Variants in ZFP62 observed in about 807,000 individuals in gnomAD.
ZFP62 encodes ZFP62 zinc finger protein.
Under a neutral mutation model 56.4 loss-of-function variants are expected in ZFP62, and 44 were observed. That is an observed-to-expected ratio of 0.78 (90% CI 0.61 to 1.00). The LOEUF (loss-of-function observed/expected upper bound fraction) is 1.00. Ranked by LOEUF, ZFP62 falls within the 50% of genes least tolerant of loss-of-function variation. The pLI, the probability that ZFP62 is intolerant of heterozygous loss-of-function variation, is 0.00. For missense variants in ZFP62, 1,030 were observed against 1,085.7 expected (o/e 0.95, Z 0.72); for synonymous variants, 421 against 388.9 (o/e 1.08, Z -0.97).
At chr5:180,857,791 C>G (rs1774067717) in intron 1 of ZFP62, among the ~76,000 whole-genome samples, 1 of 118,984 alleles carries the variant, frequency 8.4e-6, no homozygotes, top group Admixed American at 1.0e-4. Flanking sequence ...ACCACCGCAC[C>G]CAGACCTTTT....
In ZFP62 at chr5:180,848,624, G is replaced by A; in HGVS notation, c.*168C>T. 4 of 1,365,612 alleles carry A rather than the reference G, an allele frequency of 2.9e-6. No homozygotes were observed. Among genetic ancestry groups the A allele is most frequent in the African/African-American group, 1.4e-5 (1 of 69,134 alleles). 84.6% of individuals were successfully genotyped at this position (1,365,612 alleles called of 1,614,324 possible). On this transcript the variant is annotated 3_prime_UTR_variant, in exon 2 of 2. Coordinates refer to ENST00000502412, the MANE Select transcript of ZFP62 (RefSeq NM_001172638.2). ...AGAGCTGAACTACCTTGACACTGGA[G>A]CCTTTCTTGCTTGCTATGATTGAAA... is the stretch of plus-strand genomic sequence containing the variant.
At chr5:180,827,336 T>TCCA in the ZFP62 span, among the ~76,000 whole-genome samples, 1 of 152,238 alleles carries the variant, frequency 6.6e-6, no homozygotes, top group Non-Finnish European at 1.5e-5. Flanking sequence ...CGTAGGAGAC[T>TCCA]CCATTCTGTT....
chr5:180,829,481 G>A, the ZFP62 span, among the ~76,000 whole-genome samples: 3 of 152,174 alleles, frequency 2.0e-5, no homozygotes, highest in African/African-American at 4.8e-5. Context: ...TGTCACCCCC[G>A]GTGGCCCAGC....
chr5:180,851,537 AAAAAAC>A (rs780330594), intron 1 of ZFP62, 44 bp from the exon 2 acceptor site: 362 of 1,472,674 alleles, frequency 2.5e-4, no homozygotes, highest in Non-Finnish European at 3.1e-4. Flanking sequence ...CTCTCTTAAA[AAAAAAC>A]AAAAACAAAC....
intron 1 of ZFP62, among the ~76,000 whole-genome samples, chr5:180,857,762 G>C (rs1316444992): frequency 6.7e-6 from 1 of 149,728 alleles, no homozygotes; most frequent in Non-Finnish European, 1.5e-5. Flanking sequence ...CTCCCAAAGT[G>C]CTGGGATTAC....
Position 180,849,480 on chromosome 5 carries a change from G to A in ZFP62, c.2015C>T (p.Pro672Leu). 1 of 1,552,094 alleles carries A rather than the reference G, an allele frequency of 6.4e-7. No homozygotes were observed. The highest frequency in any genetic ancestry group is 8.7e-7 in the Non-Finnish European group (1 of 1,147,138). ...TTTTCCACACACATCACATTCATAG[G>A]GCCTCTCCCCAGTATGGATTCTTTT... ...VHKRIHTGER[P>L]YECDVCGKAY... The change falls in exon 2 of 2, where the codon CCC (proline) becomes CTC (leucine). Residue 672 changes from proline to leucine, a missense_variant. By Grantham distance (98) the Pro-to-Leu change is moderately conservative. Transcript: ENST00000502412.
Position 180,848,045 on chromosome 5 carries a change from T to G in ZFP62, c.*747A>C, listed in dbSNP as rs1254258220. ...AATACCACTTCCAGGTTATCCCTCA[T>G]CACAAATTCATCATTCATTATGGGA... On this transcript the variant is annotated 3_prime_UTR_variant, in exon 2 of 2. Transcript: ENST00000502412. 2.0e-6 allele frequency: 2 copies of G among 985,320 alleles called. No individual in the cohort carries two copies. Among genetic ancestry groups the G allele is most frequent in the Non-Finnish European group, 2.4e-6 (2 of 829,928 alleles). 61.0% of individuals were successfully genotyped at this position (985,320 alleles called of 1,614,324 possible).
rs1773508426 is a variant in ZFP62, at chr5:180,848,680, T to TA, written c.*111dup. ...ATAGAAAGGATTCCTCATAATCCTC[T>TA]AGGATGGTTTCATTTACACTGTGTA... On this transcript the variant is annotated 3_prime_UTR_variant, in exon 2 of 2. Transcript: ENST00000502412. 2 of 1,421,488 alleles carry TA rather than the reference T, an allele frequency of 1.4e-6. No homozygotes were observed. The highest frequency in any genetic ancestry group is 3.3e-5 in the South Asian group (2 of 60,236). The allele number at this position is 1,421,488 out of a possible 1,614,324, so 88.1% of individuals were successfully genotyped here. A position where few individuals can be genotyped will look rare whatever the true frequency, so the allele number is the denominator to read the frequency against.
At chr5:180,857,304 C>T (rs1312470403) in intron 1 of ZFP62, among the ~76,000 whole-genome samples, 1 of 138,752 alleles carries the variant, frequency 7.2e-6, no homozygotes, top group African/African-American at 2.5e-5. Context: ...CTTTGTGGGC[C>T]ACACAGAACT....
At chr5:180,829,924 T>A in the ZFP62 span, 1 of 152,156 alleles carries the variant, frequency 6.6e-6, no homozygotes, top group Non-Finnish European at 1.5e-5. Context: ...TCATACTTCT[T>A]CCACACGCAT....
chr5:180,859,879 TGTTTA>T (rs1288813158), intron 1 of ZFP62, among the ~76,000 whole-genome samples: 3 of 152,232 alleles, frequency 2.0e-5, no homozygotes, highest in Non-Finnish European at 4.4e-5. Context: ...TTCTAACGGC[TGTTTA>T]GTTTCTTCTG....
rs1426187162 is a variant in ZFP62 at position 180,849,759 on chromosome 5, T to C, written c.1736A>G (p.His579Arg). 6.4e-7 allele frequency: 1 copy of C among 1,551,934 alleles called. No individual in the cohort carries two copies. The highest frequency in any genetic ancestry group is 8.7e-7 in the Non-Finnish European group (1 of 1,147,124). The part of the protein sequence containing the change: ...AYISLSSLIN[H>R]KSVHPGEKPF... Reference sequence around the variant, plus strand: ...CTTCTCCCCAGGGTGTACACTTTTATGATTTATAAGGCTCGAGAGAGAGAT... The same window carrying C: ...CTTCTCCCCAGGGTGTACACTTTTACGATTTATAAGGCTCGAGAGAGAGAT... The change falls in exon 2 of 2, where the codon CAT (histidine) becomes CGT (arginine). Residue 579 changes from histidine (H) to arginine (R), a missense_variant. Transcript: ENST00000502412.
chr5:180,832,388 A>G, the ZFP62 span, among the ~76,000 whole-genome samples: 1 of 152,166 alleles, frequency 6.6e-6, no homozygotes, highest in Non-Finnish European at 1.5e-5. Context: ...CCTGTGCCCC[A>G]GCAGTCCTCC....
intron 1 of ZFP62, among the ~76,000 whole-genome samples, chr5:180,856,243 C>T (rs148077219): frequency 6.6e-6 from 1 of 152,262 alleles, no homozygotes; most frequent in African/African-American, 2.4e-5. Flanking sequence ...GTAGTTCATC[C>T]AATCCTCTTC....
At chr5:180,858,256 T>TC (rs1251603208) in intron 1 of ZFP62, among the ~76,000 whole-genome samples, 1 of 14,432 alleles carries the variant, frequency 6.9e-5, no homozygotes, top group African/African-American at 2.4e-4. Flanking sequence ...AAACTCTGTC[T>TC]CAAAAAAAAA....
chr5:180,848,783 C>T lies in ZFP62; in HGVS notation c.*9G>A, dbSNP rs566298652. 124 of 1,504,704 alleles carry T rather than the reference C, an allele frequency of 8.2e-5. 2 individuals are homozygous for T. In the East Asian group the frequency reaches 3.0e-3, roughly 36 times the overall value. 93.2% of individuals were successfully genotyped at this position (1,504,704 alleles called of 1,614,324 possible). On this transcript the variant is annotated 3_prime_UTR_variant, in exon 2 of 2. Coordinates refer to ENST00000502412, the MANE Select transcript of ZFP62 (RefSeq NM_001172638.2). ...TTTGAGTTCGGAGAGACTTGGTAAG[C>T]TCTGCCTGCTACAGAGGCATCCTCA...
At chr5:180,836,101 C>T in the ZFP62 span, among the ~76,000 whole-genome samples, 1 of 152,240 alleles carries the variant, frequency 6.6e-6, no homozygotes, top group Non-Finnish European at 1.5e-5. Flanking sequence ...TTAGGCCATG[C>T]CGTGCAGCCT....
chr5:180,846,482 C>T (rs182043529), downstream of ZFP62, among the ~76,000 whole-genome samples: 203 of 152,336 alleles, frequency 1.3e-3, 2 homozygotes, highest in Non-Finnish European at 1.9e-3. Flanking sequence ...CATGTCCCCA[C>T]GACTACGGGG....
At chr5:180,843,756 C>A (rs180731265), downstream of ZFP62, among the ~76,000 whole-genome samples, 9 of 152,254 alleles carry the variant, frequency 5.9e-5, no homozygotes, top group East Asian at 1.7e-3. Context: ...ATATGAACAA[C>A]GTATTACAAT....
Sources: allele counts gnomAD v4.1 joint callset (sites outside exome capture counted in the v4.1 genomes callset), GRCh38; gene constraint gnomAD v4.1.1; transcripts MANE v1.5; gene names NCBI Gene and HGNC (gene_info 2026-07-23, HGNC 2026-07-21).